Variants in REV1 observed in about 807,000 individuals in gnomAD.
REV1 encodes the protein REV1 DNA directed polymerase.
REV1 carries 42 observed loss-of-function variants against 137.4 expected under a neutral mutation model. The ratio of observed to expected loss-of-function variants is 0.31; its 90% CI spans 0.24 to 0.40. The LOEUF (loss-of-function observed/expected upper bound fraction) is 0.40, where lower values mean the gene tolerates loss of function less well. REV1 is among the 10% of genes least tolerant of loss of function. The pLI, the probability that REV1 is intolerant of heterozygous loss-of-function variation, is 1.00. For synonymous variants in REV1, 524 were observed against 519.2 expected (o/e 1.01, Z -0.12); for missense variants, 1,282 against 1,490.1 (o/e 0.86, Z 2.30).
intron 3 of REV1, chr2:99,451,532 G>A (rs1411776804): frequency 7.9e-7 from 1 of 1,271,484 alleles, no homozygotes; most frequent in South Asian, 1.2e-5. Context: ...CATAAACTAT[G>A]GAATAAGACC....
At chr2:99,443,904 G>A (rs1406085549) in intron 4 of REV1, among the ~76,000 whole-genome samples, 5 of 151,498 alleles carry the variant, frequency 3.3e-5, no homozygotes, top group African/African-American at 7.3e-5. Flanking sequence ...GTGCAGTGGC[G>A]CGATCTCGGC....
At chr2:99,409,023 T>A (rs747385828) in intron 14 of REV1, among the ~76,000 whole-genome samples, 28 of 152,192 alleles carry the variant, frequency 1.8e-4, no homozygotes, top group Non-Finnish European at 3.7e-4. Context: ...GCACAGTGGC[T>A]CACACCTGTA....
chr2:99,404,155 T>C (rs1675915864), intron 18 of REV1, among the ~76,000 whole-genome samples: 1 of 152,220 alleles, frequency 6.6e-6, no homozygotes, highest in Non-Finnish European at 1.5e-5. Context: ...ATCTCCGCTC[T>C]GTTGTATTCA....
chr2:99,465,715 C>A (rs1395573676), intron 1 of REV1, among the ~76,000 whole-genome samples: 1 of 152,158 alleles, frequency 6.6e-6, no homozygotes, highest in African/African-American at 2.4e-5. Flanking sequence ...ACATTTTGGG[C>A]TATGACTACA....
intron 11 of REV1, among the ~76,000 whole-genome samples, chr2:99,419,187 AT>A (rs1231808836): frequency 1.3e-5 from 2 of 151,316 alleles, no homozygotes; most frequent in African/African-American, 4.9e-5. Flanking sequence ...AGAAGCAGGA[AT>A]AGAGAAAGCA....
chr2:99,471,910 A>G (rs1167554475), intron 1 of REV1, among the ~76,000 whole-genome samples: 1 of 151,510 alleles, frequency 6.6e-6, no homozygotes, highest in African/African-American at 2.4e-5. Context: ...AAAAAAAAAA[A>G]ACAAGTGTTG....
Position 99,404,597 on chromosome 2 carries a change from C to T in REV1, c.2892G>A (p.Glu964=). ...VEQVCAVQQA[E]SHGDKKKEPV... is the part of the protein sequence containing the mutation. ...GTTCTTTCTTTTTGTCGCCATGTGA[C>T]TCTGCTTGCTGGACAGCACAGACTT... Residue 964 remains glutamate, a synonymous_variant, in exon 18 of 23, where the codon GAG becomes GAA. Transcript: ENST00000258428. 6.2e-7 allele frequency: 1 copy of T among 1,614,092 alleles called. No homozygotes were observed. The highest frequency in any genetic ancestry group is 1.3e-5 in the African/African-American group (1 of 75,030).
intron 1 of REV1, among the ~76,000 whole-genome samples, chr2:99,489,511 T>G (rs980534394): frequency 3.0e-5 from 1 of 33,214 alleles, no homozygotes; most frequent in African/African-American, 1.3e-4. Flanking sequence ...GCGCCAGGGG[T>G]CGGCGCGGGG....
In REV1 at chr2:99,403,032, C is replaced by T. The variant is rs573088136; in HGVS notation, c.3241G>A (p.Gly1081Ser). The stretch of plus-strand genomic sequence containing the variant: ...GGACTCTGAATCCTTTTTGGTGAAC[C>T]AATGGTTTTTTTCTTCTTGTTTCTT... ...KKRNKKKKTI[G>S]SPKRIQSPLN... The change falls in exon 20 of 23, where the codon GGT becomes AGT. Residue 1081 changes from glycine to serine, a missense_variant. By Grantham distance (56) the Gly-to-Ser change is moderately conservative. This residue lies in a region of REV1 where 170 missense variants were observed against 156.8 expected (regional missense o/e 1.08). Coordinates refer to ENST00000258428, the MANE Select transcript of REV1 (RefSeq NM_016316.4). The T allele has an allele frequency of 3.7e-5, 59 of 1,614,006 alleles. No individual in the cohort carries two copies. In the Admixed American group the frequency reaches 6.8e-4, roughly 19 times the overall value.
At chr2:99,435,089 C>T (rs1048626093) in intron 7 of REV1, among the ~76,000 whole-genome samples, 12 of 152,094 alleles carry the variant, frequency 7.9e-5, no homozygotes, top group African/African-American at 2.9e-4. Context: ...ATCAACAATG[C>T]ATTAAAAAGC....
intron 1 of REV1, 72 bp downstream of exon 1, chr2:99,489,745 G>C (rs947960014): frequency 4.0e-5 from 6 of 149,938 alleles, no homozygotes; most frequent in African/African-American, 1.5e-4. Context: ...GGGCGGGTCT[G>C]CGGCGCCTCC....
intron 14 of REV1, chr2:99,408,493 CT>C (rs1378446202): frequency 1.3e-5 from 2 of 158,794 alleles, no homozygotes; most frequent in East Asian, 3.6e-4. Context: ...ACACAATGTT[CT>C]TGATTCCAAG....
At chr2:99,471,225 C>A in intron 1 of REV1, among the ~76,000 whole-genome samples, 1 of 152,176 alleles carries the variant, frequency 6.6e-6, no homozygotes, top group Non-Finnish European at 1.5e-5. Context: ...GCTGTCAATT[C>A]TCTGCTAAGG....
At chr2:99,410,916 C>A in intron 13 of REV1, 49 bp from the exon 14 acceptor site, 5 of 1,452,832 alleles carry the variant, frequency 3.4e-6, no homozygotes, top group Non-Finnish European at 4.6e-6. Flanking sequence ...TTCCTATATA[C>A]CTAATAATTG....
chr2:99,472,306 A>G (rs1685506754), intron 1 of REV1, among the ~76,000 whole-genome samples: 1 of 152,192 alleles, frequency 6.6e-6, no homozygotes, highest in African/African-American at 2.4e-5. Context: ...ACCATTCACA[A>G]AAAGACAAAT....
intron 1 of REV1, among the ~76,000 whole-genome samples, chr2:99,470,220 T>A (rs1209167165): frequency 6.6e-6 from 1 of 152,122 alleles, no homozygotes; most frequent in African/African-American, 2.4e-5. Flanking sequence ...CCACTACATA[T>A]CCACAAAATG....
rs972050758 is a variant in REV1, at chr2:99,461,741, G to A, written c.181+755C>T. ...AGATAAAACTGAAGCTGGCCATATG[G>A]AAGCTTGGAAAGAAGCTGCTTGTTA... On this transcript the variant is annotated intron_variant, in intron 3 of 22. Transcript: ENST00000258428. Among the ~76,000 whole-genome samples, 3 of 152,198 alleles carry A rather than the reference G, an allele frequency of 2.0e-5. No homozygotes were observed. The East Asian group carries it at 5.8e-4, about 29-fold the overall frequency.
At chr2:99,403,956 G>C in intron 18 of REV1, 141 bp from the exon 19 acceptor site, 1 of 1,012,354 alleles carries the variant, frequency 9.9e-7, no homozygotes. Context: ...CAATATCAAA[G>C]CTGATTAAAT....
At chr2:99,486,031 G>A (rs1292360853) in intron 1 of REV1, among the ~76,000 whole-genome samples, 1 of 152,192 alleles carries the variant, frequency 6.6e-6, no homozygotes, top group East Asian at 1.9e-4. Context: ...CGCCTGAGGC[G>A]GGAGGCTGGC....
Sources: gnomAD v4.1 joint callset for allele counts (sites outside exome capture counted in the v4.1 genomes callset) on GRCh38, gnomAD v4.1.1 for gene constraint, gnomAD v4.1.1 regional missense constraint, MANE v1.5 for transcripts, NCBI Gene and HGNC (gene_info 2026-07-23, HGNC 2026-07-21) for gene names.